The following SEMA3D variants were observed in gnomAD, a reference collection of about 807,000 sequenced individuals.
SEMA3D encodes the protein semaphorin 3D, also known as semaphorin-3D.
A neutral mutation model predicts 100.1 loss-of-function variants in SEMA3D; 84 were observed. That is an observed-to-expected ratio of 0.84 (90% CI 0.70 to 1.01). The LOEUF is 1.01. Among genes scored for constraint, SEMA3D ranks in the 50% least tolerant of loss-of-function variants. The pLI is 0.00. For missense variants in SEMA3D, 875 were observed against 934.1 expected (o/e 0.94, Z 0.82); for synonymous variants, 312 against 320.7 (o/e 0.97, Z 0.29).
chr7:85,030,183 C>T (rs1264407113), intron 12 of SEMA3D, among the ~76,000 whole-genome samples: 1 of 125,486 alleles, frequency 8.0e-6, no homozygotes, highest in Non-Finnish European at 1.7e-5. Context: ...CTTAGAATCA[C>T]CATTTTTCAC....
chr7:85,056,039 A>C (rs1321597066), intron 8 of SEMA3D, among the ~76,000 whole-genome samples, 180 bp from the exon 9 acceptor site: 1 of 152,074 alleles, frequency 6.6e-6, no homozygotes, highest in Non-Finnish European at 1.5e-5. Flanking sequence ...AATATGTATC[A>C]GCATAAAGAG....
At chr7:85,056,450 T>C (rs1791319867) in intron 8 of SEMA3D, among the ~76,000 whole-genome samples, 1 of 151,946 alleles carries the variant, frequency 6.6e-6, no homozygotes, top group African/African-American at 2.4e-5. Context: ...TCATATGTAA[T>C]ATAAGACTAC....
At chr7:85,186,594 C>T (rs770241455) in intron 1 of SEMA3D, 84 bp downstream of exon 1, 68 of 152,816 alleles carry the variant, frequency 4.4e-4, no homozygotes, top group African/African-American at 1.6e-3. Flanking sequence ...ACAGCCACCC[C>T]CAAATCCCGG....
chr7:85,125,865 A>T (rs188461304), intron 2 of SEMA3D, among the ~76,000 whole-genome samples: 165 of 151,710 alleles, frequency 1.1e-3, no homozygotes, highest in African/African-American at 3.5e-3. Context: ...AGTAGGTGTG[A>T]TTTAACCAAA....
chr7:85,097,200 T>C (rs1017506650), intron 4 of SEMA3D, among the ~76,000 whole-genome samples: 2 of 151,862 alleles, frequency 1.3e-5, no homozygotes, highest in African/African-American at 4.8e-5. Context: ...TAGTAGTAAT[T>C]GCCTTAAGAA....
chr7:85,178,902 G>C (rs1366957312), intron 1 of SEMA3D, among the ~76,000 whole-genome samples: 1 of 152,176 alleles, frequency 6.6e-6, no homozygotes, highest in Non-Finnish European at 1.5e-5. Flanking sequence ...CTGTGTTCCA[G>C]GTGCTCCAGC....
At chr7:85,223,536 A>AG in the SEMA3D span, among the ~76,000 whole-genome samples, 5 of 151,204 alleles carry the variant, frequency 3.3e-5, no homozygotes, top group African/African-American at 1.2e-4. Context: ...TATATCATAT[A>AG]TTTGTGTGTG....
intron 1 of SEMA3D, among the ~76,000 whole-genome samples, chr7:85,179,879 T>C (rs1791351350): frequency 6.6e-6 from 1 of 152,136 alleles, no homozygotes; most frequent in South Asian, 2.1e-4. Flanking sequence ...GCCAAGATGG[T>C]CTTGATCTCC....
At chr7:85,100,351 T>C (rs746135309) in intron 3 of SEMA3D, among the ~76,000 whole-genome samples, 10 of 151,506 alleles carry the variant, frequency 6.6e-5, no homozygotes, top group Non-Finnish European at 1.2e-4. Context: ...GTCCCAATTC[T>C]TTGTTTTATT....
intron 1 of SEMA3D, among the ~76,000 whole-genome samples, chr7:85,169,523 C>T (rs780684295): frequency 5.3e-5 from 8 of 151,698 alleles, no homozygotes; most frequent in East Asian, 1.9e-4. Flanking sequence ...CTTAATGATA[C>T]GGAGGTTAAA....
At chr7:85,165,819 T>C (rs1471281719) in intron 1 of SEMA3D, among the ~76,000 whole-genome samples, 1 of 152,098 alleles carries the variant, frequency 6.6e-6, no homozygotes, top group Non-Finnish European at 1.5e-5. Flanking sequence ...GGAGAAAATA[T>C]GTGGTAGAGA....
the SEMA3D span, among the ~76,000 whole-genome samples, chr7:85,206,819 C>A: frequency 6.6e-6 from 1 of 152,054 alleles, no homozygotes; most frequent in African/African-American, 2.4e-5. Flanking sequence ...TCTTCAGGCT[C>A]ATTGTTTGAT....
intron 1 of SEMA3D, among the ~76,000 whole-genome samples, chr7:85,160,582 G>C (rs1790719549): frequency 6.6e-6 from 1 of 151,972 alleles, no homozygotes; most frequent in Admixed American, 6.6e-5. Flanking sequence ...GAGAACCTTG[G>C]GGAACAAGAA....
the SEMA3D span, among the ~76,000 whole-genome samples, chr7:85,212,926 C>A: frequency 6.6e-6 from 1 of 151,906 alleles, no homozygotes; most frequent in African/African-American, 2.4e-5. Context: ...GAATGGTACA[C>A]TTAGCTAAAA....
chr7:85,149,546 C>T (rs1355171631), intron 2 of SEMA3D, among the ~76,000 whole-genome samples: 1 of 152,174 alleles, frequency 6.6e-6, no homozygotes, highest in Non-Finnish European at 1.5e-5. Flanking sequence ...TTTATCATCA[C>T]TGTAAGTGCT....
At chr7:85,105,714 T>C (rs956408774) in intron 3 of SEMA3D, among the ~76,000 whole-genome samples, 4 of 152,108 alleles carry the variant, frequency 2.6e-5, no homozygotes, top group Non-Finnish European at 5.9e-5. Flanking sequence ...AATCAAATTC[T>C]CTTGCTTTTC....
At chr7:85,184,706 T>G (rs888466206) in intron 1 of SEMA3D, among the ~76,000 whole-genome samples, 2 of 152,198 alleles carry the variant, frequency 1.3e-5, no homozygotes, top group African/African-American at 4.8e-5. Context: ...TGTTTTACTG[T>G]CTGTCAGCCC....
chr7:85,123,280 T>G (rs1293512746), intron 2 of SEMA3D, among the ~76,000 whole-genome samples: 1 of 152,130 alleles, frequency 6.6e-6, no homozygotes, highest in Non-Finnish European at 1.5e-5. Flanking sequence ...ATTAACTTAC[T>G]GCTGTTACTA....
intron 1 of SEMA3D, among the ~76,000 whole-genome samples, chr7:85,177,861 T>C (rs1247727775): frequency 6.6e-6 from 1 of 152,162 alleles, no homozygotes; most frequent in Admixed American, 6.5e-5. Flanking sequence ...TATGGTCTGG[T>C]TCTGTGTTCC....
Sources: allele counts gnomAD v4.1 joint callset (sites outside exome capture counted in the v4.1 genomes callset), GRCh38; gene constraint gnomAD v4.1.1; transcripts MANE v1.5; gene names NCBI Gene and HGNC (gene_info 2026-07-23, HGNC 2026-07-21).